PPP1R21: variants seen among roughly 807,000 people sequenced by gnomAD.
The protein encoded by PPP1R21 is KLRAQ motif containing 1.
Under a neutral mutation model 112.8 loss-of-function variants are expected in PPP1R21, and 85 were observed. The observed-to-expected ratio is 0.75, with a 90% CI of 0.63 to 0.90. The LOEUF (loss-of-function observed/expected upper bound fraction) is 0.90. Among genes scored for constraint, PPP1R21 ranks in the 40% least tolerant of loss-of-function variants. The pLI is 0.00. For synonymous variants in PPP1R21, 381 were observed against 322.3 expected (o/e 1.18, Z -1.95); for missense variants, 1,199 against 901.5 (o/e 1.33, Z -4.23).
At chr2:48,452,146 T>C (rs944936005) in intron 2 of PPP1R21, among the ~76,000 whole-genome samples, 10 of 152,256 alleles carry the variant, frequency 6.6e-5, no homozygotes, top group Non-Finnish European at 1.2e-4. Context: ...CCAAATGATA[T>C]TTAAACTTAT....
intron 7 of PPP1R21, among the ~76,000 whole-genome samples, chr2:48,463,582 C>T (rs1382735939): frequency 1.3e-5 from 2 of 151,702 alleles, no homozygotes; most frequent in African/African-American, 4.8e-5. Context: ...GACAGACGGG[C>T]AAAGTGAAAG....
At chr2:48,476,119 C>T (rs1473145778) in intron 12 of PPP1R21, among the ~76,000 whole-genome samples, 11 of 152,124 alleles carry the variant, frequency 7.2e-5, no homozygotes, top group Admixed American at 6.5e-4. Context: ...TCCCCTGTTC[C>T]ACCCCTCCCT....
chr2:48,492,132 A>G (rs1283578269), intron 15 of PPP1R21, among the ~76,000 whole-genome samples: 2 of 152,224 alleles, frequency 1.3e-5, no homozygotes, highest in African/African-American at 2.4e-5. Flanking sequence ...CGTTTTAACT[A>G]TGCAGTGCAT....
intron 14 of PPP1R21, among the ~76,000 whole-genome samples, chr2:48,487,477 G>A (rs934541454): frequency 1.3e-5 from 2 of 151,994 alleles, no homozygotes; most frequent in Non-Finnish European, 2.9e-5. Context: ...AGAATCCTTT[G>A]ATAAGCCAGG....
intron 2 of PPP1R21, 67 bp downstream of exon 2, chr2:48,451,143 T>C (rs1363217322): frequency 3.0e-6 from 4 of 1,316,520 alleles, no homozygotes; most frequent in Non-Finnish European, 4.4e-6. Flanking sequence ...AGCAGGTTCA[T>C]TGGGTTTTCT....
chr2:48,450,992 C>A lies in PPP1R21; in HGVS notation c.58-16C>A. 3 of 1,610,742 alleles carry A rather than the reference C, an allele frequency of 1.9e-6. No individual in the cohort carries two copies. The highest frequency in any genetic ancestry group is 2.5e-6 in the Non-Finnish European group (3 of 1,177,170). The stretch of plus-strand genomic sequence containing the variant: ...GCTTTATATTAGAAATTGATTATTG[C>A]TTTCTCTGTTTTCAGCTTCGGGCTC... On this transcript the variant is annotated splice_polypyrimidine_tract_variant and intron_variant, in intron 1 of 21. Transcript: ENST00000294952.
chr2:48,454,468 A>T, intron 2 of PPP1R21, 127 bp from the exon 3 acceptor site: 1 of 1,154,654 alleles, frequency 8.7e-7, no homozygotes, highest in Non-Finnish European at 1.2e-6. Context: ...AGTGATACAC[A>T]TACAACCTGA....
intron 13 of PPP1R21, among the ~76,000 whole-genome samples, chr2:48,484,848 A>C (rs1253638165): frequency 2.0e-5 from 3 of 152,194 alleles, no homozygotes; most frequent in African/African-American, 7.2e-5. Flanking sequence ...GAATGACTAT[A>C]ATCAAGCTAC....
chr2:48,442,597 G>A (rs1044512141), intron 1 of PPP1R21, among the ~76,000 whole-genome samples: 1 of 152,140 alleles, frequency 6.6e-6, no homozygotes, highest in African/African-American at 2.4e-5. Context: ...ATATTCTAAC[G>A]TAGTACATAG....
intron 17 of PPP1R21, among the ~76,000 whole-genome samples, chr2:48,500,137 G>C (rs1198775773): frequency 6.6e-6 from 1 of 152,082 alleles, no homozygotes; most frequent in Non-Finnish European, 1.5e-5. Flanking sequence ...TTTATCTTTA[G>C]GCCCTATTGC....
At chr2:48,480,079 T>A in intron 13 of PPP1R21, 63 bp downstream of exon 13, 1 of 1,121,898 alleles carries the variant, frequency 8.9e-7, no homozygotes. Context: ...TCTGCCTGAA[T>A]AAGATTTAAA....
At chr2:48,467,202 G>A (rs554568313) in intron 9 of PPP1R21, among the ~76,000 whole-genome samples, 1 of 152,156 alleles carries the variant, frequency 6.6e-6, no homozygotes, top group South Asian at 2.1e-4. Context: ...GTTCAAACAG[G>A]GTTTAAATGT....
rs138378988 is a variant in PPP1R21 at position 48,446,185 on chromosome 2, A to T, written c.58-4823A>T. On this transcript the variant is annotated intron_variant, in intron 1 of 21. Transcript: ENST00000294952. ...TTGAGGATTAGCTGAGAAAATGCAT[A>T]TGAATGATTCATCTCACTTTCCCCA... Among the ~76,000 whole-genome samples the T allele has an allele frequency of 4.5e-4, 68 of 152,360 alleles. No individual in the cohort carries two copies. In the East Asian group the frequency reaches 0.012, roughly 28 times the overall value.
In PPP1R21 at chr2:48,479,955, C is replaced by G. The variant is rs1013672113; in HGVS notation, c.1257C>G (p.Asn419Lys). ...AGCCAGATGGACTCCTTCGGACAAA[C>G]TACAGTTCTGTGTTAACAAATGTTG... is the stretch of plus-strand genomic sequence containing the variant. ...STEPDGLLRT[N>K]YSSVLTNVGA... is the part of the protein sequence containing the mutation. Residue 419 changes from asparagine to lysine, a missense_variant, in exon 13 of 22, where the codon AAC (asparagine) becomes AAG (lysine). Coordinates refer to ENST00000294952, the MANE Select transcript of PPP1R21 (RefSeq NM_001135629.3). The G allele has an allele frequency of 2.5e-6, 4 of 1,612,864 alleles. No individual in the cohort carries two copies. Among genetic ancestry groups the G allele is most frequent in the Non-Finnish European group, 3.4e-6 (4 of 1,178,832 alleles).
intron 1 of PPP1R21, among the ~76,000 whole-genome samples, chr2:48,446,832 C>A (rs1453399880): frequency 6.6e-6 from 1 of 152,118 alleles, no homozygotes. Context: ...CTGCAACCTC[C>A]GTCCGTCTCC....
chr2:48,486,511 A>G, intron 13 of PPP1R21, 120 bp from the exon 14 acceptor site: 1 of 744,102 alleles, frequency 1.3e-6, no homozygotes, highest in Non-Finnish European at 2.2e-6. Context: ...ACTTGAGACC[A>G]TTCTTTGTCA....
Position 48,471,124 on chromosome 2 carries a change from G to T in PPP1R21, c.935G>T (p.Arg312Leu). Residue 312 changes from arginine (R) to leucine (L), a missense_variant, in exon 10 of 22, where the codon CGC becomes CTC. Physicochemically the swap from Arg to Leu is moderately radical, Grantham distance 102. Transcript: ENST00000294952. ...QYLHENASYVRPLEEGMLHLF... is the reference protein window; with the variant it reads ...QYLHENASYVLPLEEGMLHLF... ...CTTCATGAAAATGCGTCCTATGTCCGCCCTCTTGAGGAAGGAATGCTTCAT... is the reference window on the plus strand; with the variant it reads ...CTTCATGAAAATGCGTCCTATGTCCTCCCTCTTGAGGAAGGAATGCTTCAT... 1.2e-6 allele frequency: 2 copies of T among 1,612,314 alleles called. No individual in the cohort carries two copies. Among genetic ancestry groups the T allele is most frequent in the Non-Finnish European group, 8.5e-7 (1 of 1,178,530 alleles).
intron 16 of PPP1R21, among the ~76,000 whole-genome samples, chr2:48,497,366 C>G (rs6754163): frequency 0.12 from 17,720 of 152,174 alleles, 1,116 homozygotes; most frequent in South Asian, 0.18. Context: ...AAAGGTTTAC[C>G]TTAAAAATTA....
rs963409070 is a variant in PPP1R21 at position 48,440,812 on chromosome 2, C to G, written c.-142C>G. On this transcript the variant is annotated 5_prime_UTR_variant, in exon 1 of 22. Coordinates refer to ENST00000294952, the MANE Select transcript of PPP1R21 (RefSeq NM_001135629.3). ...GGGAACCCGGAAGTGGAGGAGGAGG[C>G]GCGGCGGCGGCGGCGGCGGCGGCTG... The G allele has an allele frequency of 8.9e-5, 56 of 626,748 alleles. No individual in the cohort carries two copies. The highest frequency in any genetic ancestry group is 8.5e-4 in the African/African-American group (44 of 51,474). The allele number at this position is 626,748 out of a possible 1,614,324, so 38.8% of individuals were successfully genotyped here.
Sources: gnomAD v4.1 joint callset for allele counts (sites outside exome capture counted in the v4.1 genomes callset) on GRCh38, gnomAD v4.1.1 for gene constraint, MANE v1.5 for transcripts, NCBI Gene and HGNC (gene_info 2026-07-23, HGNC 2026-07-21) for gene names.